ZKSCAN5: variants seen among roughly 807,000 people sequenced by gnomAD.
ZKSCAN5 encodes the protein zinc finger protein with KRAB and SCAN domains 5.
In ZKSCAN5, 28 loss-of-function variants were observed where a neutral mutation model predicts 60.0. The ratio of observed to expected loss-of-function variants is 0.47; its 90% confidence interval spans 0.35 to 0.64. The LOEUF is 0.64. ZKSCAN5 is among the 30% of genes least tolerant of loss of function. ZKSCAN5 has a pLI of 0.01. For synonymous variants in ZKSCAN5, 361 were observed against 371.2 expected, an observed-to-expected ratio of 0.97 and a Z score of 0.31; for missense variants, 881 against 1,034.6, an observed-to-expected ratio of 0.85 and a Z score of 2.04.
rs538542330 is a variant in ZKSCAN5, at chr7:99,531,779, A to G, written c.2050A>G (p.Met684Val). 8.7e-6 allele frequency: 14 copies of G among 1,614,082 alleles called. No individual in the cohort carries two copies. The highest frequency in any genetic ancestry group is 1.2e-5 in the Non-Finnish European group (14 of 1,180,048). Residue 684 changes from methionine to valine, a missense_variant, in exon 7 of 7, where the codon ATG becomes GTG. Met to Val is a conservative substitution (Grantham distance 21, BLOSUM62 1). Around this residue, in one of 5 missense-constraint regions of ZKSCAN5, gnomAD observed 112 missense variants for 182.4 expected, o/e 0.61. Transcript: ENST00000326775. ...CCTAATTGAACATCAGGTGCTCCACATGGGTCAGAAAAATGAAAAAAATGG... is the reference window on the plus strand; with the variant it reads ...CCTAATTGAACATCAGGTGCTCCACGTGGGTCAGAAAAATGAAAAAAATGG... ...VSLIEHQVLH[M>V]GQKNEKNGIC...
chr7:99,527,350 A>C (rs1366101100), intron 6 of ZKSCAN5, among the ~76,000 whole-genome samples: 2 of 152,188 alleles, frequency 1.3e-5, no homozygotes, highest in South Asian at 2.1e-4. Flanking sequence ...ATAACAAACA[A>C]ACACAAACCC....
Position 99,512,601 on chromosome 7 carries a change from A to G in ZKSCAN5, c.553+10A>G, listed in dbSNP as rs776342492. On this transcript the variant is annotated intron_variant, in intron 3 of 6. Transcript: ENST00000326775. ...CTCCTGGAGGAAAATGGTGAGGCTC[A>G]GTGATTCAGTGGAACTGATATAGCT... 4 of 1,612,896 alleles carry G rather than the reference A, an allele frequency of 2.5e-6. No homozygotes were observed. In the East Asian group the frequency reaches 6.7e-5, roughly 27 times the overall value.
chr7:99,508,663 C>T (rs976061919), intron 2 of ZKSCAN5, among the ~76,000 whole-genome samples: 3 of 151,112 alleles, frequency 2.0e-5, no homozygotes, highest in Admixed American at 1.3e-4. Flanking sequence ...GCAGTAGAAT[C>T]GCTTGAACTT....
At chr7:99,506,849 A>ATTT (rs34098119) in intron 2 of ZKSCAN5, among the ~76,000 whole-genome samples, 22 of 125,902 alleles carry the variant, frequency 1.7e-4, no homozygotes, top group African/African-American at 6.3e-4. Flanking sequence ...GGCCCGGCTA[A>ATTT]TTTTTTTTTT....
chr7:99,505,979 A>C lies in ZKSCAN5; in HGVS notation c.-40-26A>C. 5 of 1,553,930 alleles carry C rather than the reference A, an allele frequency of 3.2e-6. 1 individual carries two copies. In the Admixed American group the frequency reaches 9.5e-5, roughly 29 times the overall value. ...CTGAAAGTGTCCTTCAGAAGATATT[A>C]AAGAGCAGAAAAACAATTGTTTCAG... On this transcript the variant is annotated intron_variant, in intron 1 of 6. Transcript: ENST00000326775.
Position 99,533,447 on chromosome 7 carries a change from TTTG to T in ZKSCAN5, c.*1202_*1204del, listed in dbSNP as rs1486478108. 2.6e-5 allele frequency: 14 copies of T among 534,040 alleles called. No homozygotes were observed. The highest frequency in any genetic ancestry group is 4.4e-5 in the Non-Finnish European group (13 of 293,616). The allele number at this position is 534,040 out of a possible 1,614,324, so 33.1% of individuals were successfully genotyped here. On this transcript the variant is annotated 3_prime_UTR_variant, in exon 7 of 7. Coordinates refer to ENST00000326775, the MANE Select transcript of ZKSCAN5 (RefSeq NM_145102.4). ...GCTTACAATAAATGCCCAATAAATA[TTTG>T]TTGACCATATGTGTTGTACACTGTG... is the stretch of plus-strand genomic sequence containing the variant.
intron 5 of ZKSCAN5, among the ~76,000 whole-genome samples, chr7:99,523,599 C>G (rs1801641813): frequency 6.7e-6 from 1 of 150,154 alleles, no homozygotes; most frequent in Admixed American, 6.7e-5. Flanking sequence ...GAGCAAGACC[C>G]AGTCTCAAAT....
rs191588382 is a variant in ZKSCAN5, at chr7:99,528,257, G to A, written c.1378+1839G>A. 9.9e-4 allele frequency among the ~76,000 whole-genome samples: 149 copies of A among 151,066 alleles called. 1 individual carries two copies. The highest frequency in any genetic ancestry group is 1.7e-3 in the Admixed American group (25 of 15,000). ...CTATCCTCTCAGCTAGTGTTTTCCC[G>A]TTCTACTCGATGATTCCCTCATTTG... On this transcript the variant is annotated intron_variant, in intron 6 of 6. Transcript: ENST00000326775.
intron 3 of ZKSCAN5, among the ~76,000 whole-genome samples, chr7:99,515,517 G>T (rs1181463710): frequency 6.6e-6 from 1 of 152,082 alleles, no homozygotes; most frequent in Non-Finnish European, 1.5e-5. Flanking sequence ...TGGAATAGCT[G>T]TTACTGTTAT....
chr7:99,520,288 G>A lies in ZKSCAN5; in HGVS notation c.756G>A (p.Gly252=), dbSNP rs1801472688. ...LYRDDRKENY[G]SITSMGYESR... The stretch of plus-strand genomic sequence containing the variant: ...GGGATGACAGGAAGGAGAACTATGG[G>A]AGTATTACTTCCATGGGTAAGGATT... The change falls in exon 5 of 7, where the codon GGG becomes GGA. Residue 252 remains glycine, a synonymous_variant. Transcript: ENST00000326775. The A allele has an allele frequency of 1.9e-6, 3 of 1,613,310 alleles. No individual in the cohort carries two copies. The East Asian group carries it at 6.7e-5, about 36-fold the overall frequency.
At chr7:99,514,893 A>G (rs1801194454) in intron 3 of ZKSCAN5, among the ~76,000 whole-genome samples, 1 of 151,348 alleles carries the variant, frequency 6.6e-6, no homozygotes. Context: ...CCTGGGTGAC[A>G]AGAGCAAAAC....
Position 99,531,800 on chromosome 7 carries a change from A to C in ZKSCAN5, c.2071A>C (p.Asn691His). ...VLHMGQKNEK[N>H]GICEEAYSWN... The stretch of plus-strand genomic sequence containing the variant: ...CCACATGGGTCAGAAAAATGAAAAA[A>C]ATGGCATCTGTGAGGAAGCATATAG... Residue 691 changes from asparagine (N) to histidine (H), a missense_variant, in exon 7 of 7, where the codon AAT (asparagine) becomes CAT (histidine). Physicochemically the swap from Asn to His is moderately conservative, Grantham distance 68. Coordinates refer to ENST00000326775, the MANE Select transcript of ZKSCAN5 (RefSeq NM_145102.4). The C allele has an allele frequency of 6.2e-7, 1 of 1,614,234 alleles. No homozygotes were observed. The highest frequency in any genetic ancestry group is 8.5e-7 in the Non-Finnish European group (1 of 1,180,048).
chr7:99,533,325 G>C lies in ZKSCAN5; in HGVS notation c.*1076G>C. On this transcript the variant is annotated 3_prime_UTR_variant, in exon 7 of 7. Coordinates refer to ENST00000326775, the MANE Select transcript of ZKSCAN5 (RefSeq NM_145102.4). ...TGGGGTGGGAGTTTTGAGTGGGAAA[G>C]AGGATGACATGTGTGAGAGAGTTCT... The C allele has an allele frequency of 1.5e-6, 1 of 650,236 alleles. No individual in the cohort carries two copies. Among genetic ancestry groups the C allele is most frequent in the Non-Finnish European group, 2.8e-6 (1 of 352,768 alleles). The allele number at this position is 650,236 out of a possible 1,614,324, so 40.3% of individuals were successfully genotyped here.
rs55658352 is a variant in ZKSCAN5, at chr7:99,534,674, T to TAAAAA, written c.*2447_*2451dup. ...GCCCAGTTGACAGAGCGACAGTGTCTAAAAAAAAAAAAAAAAAAAAAAAAA... is the reference window on the plus strand; with the variant it reads ...GCCCAGTTGACAGAGCGACAGTGTCTAAAAAAAAAAAAAAAAAAAAAAAAAAAAAA... On this transcript the variant is annotated 3_prime_UTR_variant, in exon 7 of 7. Transcript: ENST00000326775. 3 of 55,076 alleles carry TAAAAA rather than the reference T, an allele frequency of 5.4e-5. No homozygotes were observed. The highest frequency in any genetic ancestry group is 1.3e-4 in the African/African-American group (2 of 15,020). The allele number at this position is 55,076 out of a possible 1,614,324, so 3.4% of individuals were successfully genotyped here.
intron 2 of ZKSCAN5, among the ~76,000 whole-genome samples, chr7:99,509,826 T>C (rs1800937103): frequency 6.6e-6 from 1 of 152,186 alleles, no homozygotes; most frequent in Non-Finnish European, 1.5e-5. Flanking sequence ...TGTCTGTTTA[T>C]ATTCCTTATC....
Position 99,532,252 on chromosome 7 carries a change from T to C in ZKSCAN5, c.*3T>C. The C allele has an allele frequency of 6.5e-7, 1 of 1,546,204 alleles. No homozygotes were observed. Among genetic ancestry groups the C allele is most frequent in the Non-Finnish European group, 8.7e-7 (1 of 1,152,532 alleles). On this transcript the variant is annotated 3_prime_UTR_variant, in exon 7 of 7. Transcript: ENST00000326775. ...GTGTAGAGGGGTCTCTGTTGTAGAA[T>C]AGCTCTTAATTTTAGAGAAACCTTC... is the stretch of plus-strand genomic sequence containing the variant.
In ZKSCAN5 at chr7:99,519,809, C is replaced by G; in HGVS notation, c.554-18C>G. The G allele has an allele frequency of 6.2e-7, 1 of 1,611,766 alleles. No homozygotes were observed. Among genetic ancestry groups the G allele is most frequent in the Non-Finnish European group, 8.5e-7 (1 of 1,178,524 alleles). The stretch of plus-strand genomic sequence containing the variant: ...GGCAAAGATGTTCTCACTTAAACCT[C>G]TTTTTCTCCTCCCTTAGCCCTTCCT... On this transcript the variant is annotated intron_variant, in intron 3 of 6. Transcript: ENST00000326775.
rs115851597 is a variant in ZKSCAN5 at position 99,508,417 on chromosome 7, G to A, written c.414+1959G>A. 1.5e-3 allele frequency among the ~76,000 whole-genome samples: 233 copies of A among 151,808 alleles called. 3 individuals carry two copies. Among genetic ancestry groups the A allele is most frequent in the African/African-American group, 5.5e-3 (229 of 41,354 alleles). On this transcript the variant is annotated intron_variant, in intron 2 of 6. Transcript: ENST00000326775. ...AGAGAAATTTTGTGGCCATAGCCTG[G>A]TAGAACAATGTTATCAAAATTGGTC...
intron 6 of ZKSCAN5, among the ~76,000 whole-genome samples, chr7:99,528,604 T>G (rs183225272): frequency 6.6e-6 from 1 of 152,252 alleles, no homozygotes; most frequent in Admixed American, 6.5e-5. Flanking sequence ...TTTATGTATT[T>G]TTTGTAGAGA....
Sources: gnomAD v4.1 joint callset for allele counts (sites outside exome capture counted in the v4.1 genomes callset) on GRCh38, gnomAD v4.1.1 for gene constraint, gnomAD v4.1.1 regional missense constraint, MANE v1.5 for transcripts, NCBI Gene and HGNC (gene_info 2026-07-23, HGNC 2026-07-21) for gene names.